Variants in FSHR observed in about 807,000 individuals in gnomAD.
FSHR encodes follicle stimulating hormone receptor.
Under a neutral mutation model 52.1 loss-of-function variants are expected in FSHR, and 46 were observed. That is an observed-to-expected ratio of 0.88 (90% CI 0.70 to 1.13). The LOEUF is 1.13. FSHR is among the 50% of genes most tolerant of loss of function. The probability of loss-of-function intolerance (pLI) is 0.00; values close to 1 mark genes in which losing one functional copy is unlikely to be tolerated. For missense variants in FSHR, 964 were observed against 834.6 expected (o/e 1.16, Z -1.91); for synonymous variants, 399 against 309.6 (o/e 1.29, Z -3.03).
intron 9 of FSHR, among the ~76,000 whole-genome samples, chr2:48,964,886 G>C (rs923693635): frequency 2.6e-5 from 4 of 151,840 alleles, no homozygotes; most frequent in African/African-American, 9.7e-5. Context: ...CTACCCCAGA[G>C]TAGTATATCA....
Position 49,120,958 on chromosome 2 carries a change from T to G in FSHR, c.152+33308A>C, listed in dbSNP as rs978641501. Among the ~76,000 whole-genome samples the G allele has an allele frequency of 1.2e-4, 19 of 152,088 alleles. 1 individual carries two copies. The highest frequency in any genetic ancestry group is 4.4e-5 in the Non-Finnish European group (3 of 68,028). On this transcript the variant is annotated intron_variant, in intron 1 of 9. Transcript: ENST00000406846. ...CCAGGAGAACACTAGTGATTTGGGG[T>G]TTTTCTTCATAGCTTAATAAATTAT...
intron 9 of FSHR, among the ~76,000 whole-genome samples, chr2:48,968,059 C>T (rs577303089): frequency 6.6e-6 from 1 of 152,190 alleles, no homozygotes; most frequent in African/African-American, 2.4e-5. Context: ...CTTTCCAGAT[C>T]CTGTCTATGA....
At chr2:48,974,996 G>A (rs889415899) in intron 8 of FSHR, among the ~76,000 whole-genome samples, 1 of 151,954 alleles carries the variant, frequency 6.6e-6, no homozygotes, top group Non-Finnish European at 1.5e-5. Context: ...GTGGGTGGGG[G>A]GTAGTAACAA....
At chr2:48,987,270 C>G (rs1288609644) in intron 6 of FSHR, among the ~76,000 whole-genome samples, 1 of 152,144 alleles carries the variant, frequency 6.6e-6, no homozygotes, top group African/African-American at 2.4e-5. Context: ...GTGGTGCAAT[C>G]TTGGCTCACT....
chr2:49,112,719 A>T (rs1558447886), intron 1 of FSHR, among the ~76,000 whole-genome samples: 1 of 152,178 alleles, frequency 6.6e-6, no homozygotes, highest in African/African-American at 2.4e-5. Flanking sequence ...GGAGAGAAAA[A>T]TTTCCTAATA....
At chr2:48,980,058 C>T (rs574861605) in intron 8 of FSHR, among the ~76,000 whole-genome samples, 2 of 152,186 alleles carry the variant, frequency 1.3e-5, no homozygotes, top group Non-Finnish European at 2.9e-5. Flanking sequence ...AGTCTTCTTG[C>T]ATCTCAGGTC....
chr2:49,073,778 A>T (rs1669841797), intron 1 of FSHR, among the ~76,000 whole-genome samples: 1 of 152,128 alleles, frequency 6.6e-6, no homozygotes, highest in African/African-American at 2.4e-5. Flanking sequence ...ACATTCTCAG[A>T]CTTCAAAATA....
intron 1 of FSHR, among the ~76,000 whole-genome samples, chr2:49,138,498 A>G (rs534506804): frequency 1.1e-4 from 16 of 152,342 alleles, no homozygotes; most frequent in Middle Eastern, 3.4e-3. Context: ...TGGCATATCC[A>G]TACAATTAAA....
In FSHR at chr2:48,989,068, C is replaced by T. The variant is rs1465929296; in HGVS notation, c.447-14G>A. The T allele has an allele frequency of 3.7e-6, 6 of 1,603,800 alleles. No homozygotes were observed. The highest frequency in any genetic ancestry group is 5.1e-6 in the Non-Finnish European group (6 of 1,171,180). Reference sequence around the variant, plus strand: ...TCTTGAATGTCACTAGAAGAAAGTACAGACAAATAAGATACTTACATCAGC... The same window carrying T: ...TCTTGAATGTCACTAGAAGAAAGTATAGACAAATAAGATACTTACATCAGC... On this transcript the variant is annotated splice_polypyrimidine_tract_variant and intron_variant, in intron 5 of 9. Transcript: ENST00000406846.
rs188657657 is a variant in FSHR, at chr2:49,058,045, A to G, written c.224+10174T>C. On this transcript the variant is annotated intron_variant, in intron 2 of 9. Transcript: ENST00000406846. ...ACTCAATAAAGGCCATATATGACAT[A>G]CCTTCAGCTAATATCATGTGGATTG... Among the ~76,000 whole-genome samples, 701 of 152,288 alleles carry G rather than the reference A, an allele frequency of 4.6e-3. 4 individuals carry two copies. The highest frequency in any genetic ancestry group is 7.6e-3 in the Non-Finnish European group (519 of 68,026).
chr2:48,990,956 T>G (rs1675746434), intron 4 of FSHR, among the ~76,000 whole-genome samples: 1 of 152,022 alleles, frequency 6.6e-6, no homozygotes, highest in African/African-American at 2.4e-5. Context: ...AACAAAAGTT[T>G]CTTAAAATTT....
At chr2:48,993,478 T>C (rs1215013405) in intron 4 of FSHR, among the ~76,000 whole-genome samples, 8 of 152,182 alleles carry the variant, frequency 5.3e-5, no homozygotes, top group Non-Finnish European at 1.2e-4. Flanking sequence ...CTTGACTTTA[T>C]GCAATTTTGC....
chr2:48,998,997 A>T (rs938470916), intron 4 of FSHR, among the ~76,000 whole-genome samples: 3 of 152,016 alleles, frequency 2.0e-5, no homozygotes, highest in Admixed American at 1.3e-4. Context: ...CAATAAACTT[A>T]TTCGGAAACA....
At chr2:48,984,124 G>T (rs148022042) in intron 6 of FSHR, among the ~76,000 whole-genome samples, 1 of 152,262 alleles carries the variant, frequency 6.6e-6, no homozygotes, top group African/African-American at 2.4e-5. Flanking sequence ...GTGCATCCAG[G>T]ACTCTCTTTC....
intron 2 of FSHR, among the ~76,000 whole-genome samples, chr2:49,042,393 G>C (rs545171150): frequency 6.6e-6 from 1 of 152,254 alleles, no homozygotes; most frequent in East Asian, 1.9e-4. Flanking sequence ...GATAGAACAA[G>C]AGCAGAGAAA....
chr2:49,044,962 T>C (rs1188458822), intron 2 of FSHR, among the ~76,000 whole-genome samples: 1 of 152,216 alleles, frequency 6.6e-6, no homozygotes, highest in Non-Finnish European at 1.5e-5. Context: ...GCTGTGTTTC[T>C]AGAGCACCAA....
chr2:49,083,837 G>T (rs76560904), intron 1 of FSHR, among the ~76,000 whole-genome samples: 19,878 of 127,144 alleles, frequency 0.16, 1,757 homozygotes, highest in East Asian at 0.2. Context: ...GCACCCAGAT[G>T]CATAAAGCAA....
intron 4 of FSHR, among the ~76,000 whole-genome samples, chr2:48,995,552 A>G (rs1675987951): frequency 6.6e-6 from 1 of 152,126 alleles, no homozygotes. Flanking sequence ...CTTTAAAGCT[A>G]GTTAAAGAAA....
chr2:49,007,036 G>C (rs1221057169), intron 4 of FSHR, among the ~76,000 whole-genome samples: 1 of 152,024 alleles, frequency 6.6e-6, no homozygotes, highest in African/African-American at 2.4e-5. Context: ...ATTGATTGTT[G>C]AATGATTGGC....
Sources: allele counts gnomAD v4.1 joint callset (sites outside exome capture counted in the v4.1 genomes callset), GRCh38; gene constraint gnomAD v4.1.1; transcripts MANE v1.5; gene names NCBI Gene and HGNC (gene_info 2026-07-23, HGNC 2026-07-21).